The following ADGRB3 variants were observed in gnomAD, a reference collection of about 807,000 sequenced individuals.
The protein encoded by ADGRB3 is adhesion G protein-coupled receptor B3.
Under a neutral mutation model 193.4 loss-of-function variants are expected in ADGRB3, and 37 were observed. That is an observed-to-expected ratio of 0.19 (90% CI 0.15 to 0.25). The LOEUF (loss-of-function observed/expected upper bound fraction) is 0.25, where lower values mean the gene tolerates loss of function less well. Ranked by LOEUF, ADGRB3 falls within the 10% of genes least tolerant of loss-of-function variation. The pLI is 1.00. For missense variants in ADGRB3, 1,637 were observed against 1,852.9 expected, an observed-to-expected ratio of 0.88 and a Z score of 2.14; for synonymous variants, 690 against 644.2, an observed-to-expected ratio of 1.07 and a Z score of -1.08.
chr6:69,107,540 A>G (rs2150324247), intron 17 of ADGRB3, among the ~76,000 whole-genome samples: 1 of 152,352 alleles, frequency 6.6e-6, no homozygotes, highest in Admixed American at 6.5e-5. Context: ...ACTAGCAGTT[A>G]CAAAATACAC....
intron 15 of ADGRB3, among the ~76,000 whole-genome samples, chr6:69,055,941 C>T (rs1046739585): frequency 6.6e-5 from 10 of 152,236 alleles, no homozygotes; most frequent in East Asian, 5.8e-4. Flanking sequence ...AGCAATTCTC[C>T]TACCTCAGCC....
chr6:69,322,117 C>T (rs762912225), intron 20 of ADGRB3, among the ~76,000 whole-genome samples: 1 of 151,880 alleles, frequency 6.6e-6, no homozygotes, highest in Non-Finnish European at 1.5e-5. Flanking sequence ...ATTTGGTTTT[C>T]TGTTCCTTAG....
In ADGRB3 at chr6:68,976,042, A is replaced by T. The variant is rs554564980; in HGVS notation, c.1734+702A>T. On this transcript the variant is annotated intron_variant, in intron 10 of 31. Transcript: ENST00000370598. ...GCCTCCATACATGAATAAACACTGTAGGGTGTAGAACAAAATATGAACATG... is the reference window on the plus strand; with the variant it reads ...GCCTCCATACATGAATAAACACTGTTGGGTGTAGAACAAAATATGAACATG... 3.1e-4 allele frequency among the ~76,000 whole-genome samples: 47 copies of T among 152,314 alleles called. No individual in the cohort carries two copies. The South Asian group carries it at 9.5e-3, about 31-fold the overall frequency.
chr6:68,739,359 A>G (rs1765934132), intron 3 of ADGRB3, among the ~76,000 whole-genome samples: 1 of 152,160 alleles, frequency 6.6e-6, no homozygotes, highest in South Asian at 2.1e-4. Flanking sequence ...GTTGGGAGAA[A>G]GTTTTTCATG....
chr6:68,725,688 TATCTC>T (rs1035333082), intron 3 of ADGRB3, among the ~76,000 whole-genome samples: 5 of 151,700 alleles, frequency 3.3e-5, no homozygotes, highest in Admixed American at 6.6e-5. Flanking sequence ...AAACTGATCT[TATCTC>T]AGGAGAGAGG....
At chr6:68,813,884 A>T (rs1767571179) in intron 3 of ADGRB3, among the ~76,000 whole-genome samples, 1 of 152,046 alleles carries the variant, frequency 6.6e-6, no homozygotes, top group South Asian at 2.1e-4. Flanking sequence ...AAGGACATGA[A>T]CTCATCCTTT....
chr6:68,795,066 C>T (rs966003378), intron 3 of ADGRB3, among the ~76,000 whole-genome samples: 2 of 151,746 alleles, frequency 1.3e-5, no homozygotes, highest in African/African-American at 4.8e-5. Context: ...CACAGGAGAG[C>T]CCAAGTAATG....
chr6:69,276,491 T>C (rs1767305690), intron 20 of ADGRB3, among the ~76,000 whole-genome samples: 1 of 152,214 alleles, frequency 6.6e-6, no homozygotes, highest in African/African-American at 2.4e-5. Flanking sequence ...AGGAAATCCC[T>C]GCAAGAAAGA....
In ADGRB3 at chr6:68,979,066, G is replaced by GT. The variant is rs1438233128; in HGVS notation, c.1734+3729dup. Among the ~76,000 whole-genome samples, 79 of 148,670 alleles carry GT rather than the reference G, an allele frequency of 5.3e-4. 2 individuals carry two copies. The highest frequency in any genetic ancestry group is 2.0e-3 in the African/African-American group (77 of 38,886). On this transcript the variant is annotated intron_variant, in intron 10 of 31. Transcript: ENST00000370598. ...AGGTAAACAAAAGGGCCATCAATAA[G>GT]TTTAAGATATAAAATCACTAATCTG...
chr6:69,218,622 G>A (rs1765824773), intron 17 of ADGRB3, among the ~76,000 whole-genome samples: 1 of 152,112 alleles, frequency 6.6e-6, no homozygotes, highest in Admixed American at 6.6e-5. Flanking sequence ...AGTTCTTCTT[G>A]TTCCTGTTCT....
intron 3 of ADGRB3, among the ~76,000 whole-genome samples, chr6:68,893,747 C>T (rs189521792): frequency 1.3e-5 from 2 of 152,054 alleles, no homozygotes; most frequent in Non-Finnish European, 1.5e-5. Context: ...TTAAAAATTA[C>T]ATTCCATGTA....
chr6:69,154,731 C>G (rs1774783007), intron 17 of ADGRB3, among the ~76,000 whole-genome samples: 2 of 152,148 alleles, frequency 1.3e-5, no homozygotes. Context: ...CTTGATTTCC[C>G]CAGTCTTCAC....
intron 3 of ADGRB3, among the ~76,000 whole-genome samples, chr6:68,779,453 T>A (rs1280516877): frequency 6.6e-6 from 1 of 152,012 alleles, no homozygotes; most frequent in Non-Finnish European, 1.5e-5. Context: ...CTGGAAGCCC[T>A]GTTACAGACA....
At chr6:68,813,165 T>A (rs1031083812) in intron 3 of ADGRB3, among the ~76,000 whole-genome samples, 1 of 152,038 alleles carries the variant, frequency 6.6e-6, no homozygotes, top group Non-Finnish European at 1.5e-5. Flanking sequence ...ATCTAATGGG[T>A]TTATCAGCGG....
chr6:69,388,656 ATCCTGGTCATCACATAAATGAC>A (rs769970958), intron 31 of ADGRB3, 25 bp from the exon 32 acceptor site: 1 of 1,551,558 alleles, frequency 6.4e-7, no homozygotes, highest in East Asian at 2.3e-5. Context: ...ACTAGCGGTG[ATCCTGGTCATCACATAAATGAC>A]TCTCTTTCCC....
intron 3 of ADGRB3, among the ~76,000 whole-genome samples, chr6:68,749,167 C>T (rs752590844): frequency 8.5e-5 from 13 of 152,200 alleles, no homozygotes; most frequent in Non-Finnish European, 1.8e-4. Context: ...GACATTTTCC[C>T]TGTGGTCCTG....
chr6:69,121,431 G>A (rs1401460253), intron 17 of ADGRB3, among the ~76,000 whole-genome samples: 1 of 151,784 alleles, frequency 6.6e-6, no homozygotes, highest in South Asian at 2.1e-4. Context: ...GTAACAATCT[G>A]ATCTGTCTTT....
chr6:69,384,070 CT>C (rs1770009262), intron 31 of ADGRB3, among the ~76,000 whole-genome samples: 1 of 151,794 alleles, frequency 6.6e-6, no homozygotes, highest in Non-Finnish European at 1.5e-5. Context: ...TTATGTTTTT[CT>C]TTTATTCCTC....
At chr6:69,194,453 G>A (rs1049725771) in intron 17 of ADGRB3, among the ~76,000 whole-genome samples, 6 of 152,074 alleles carry the variant, frequency 3.9e-5, no homozygotes, top group Non-Finnish European at 8.8e-5. Context: ...TTAATACTTC[G>A]CTGGTTCCTT....
Sources: gnomAD v4.1 joint callset for allele counts (sites outside exome capture counted in the v4.1 genomes callset) on GRCh38, gnomAD v4.1.1 for gene constraint, MANE v1.5 for transcripts, NCBI Gene and HGNC (gene_info 2026-07-23, HGNC 2026-07-21) for gene names.